The following KAZALD1 variants were observed in gnomAD, a reference collection of about 807,000 sequenced individuals.
KAZALD1 encodes Kazal type serine peptidase inhibitor domain 1.
In KAZALD1, 31 loss-of-function variants were observed where a neutral mutation model predicts 27.7. That is an observed-to-expected ratio of 1.12 (90% confidence interval 0.84 to 1.51). The LOEUF is 1.51. KAZALD1 is among the 40% of genes most tolerant of loss of function. The pLI, the probability that KAZALD1 is intolerant of heterozygous loss-of-function variation, is 0.00. For missense variants in KAZALD1, 444 were observed against 408.9 expected, an observed-to-expected ratio of 1.09 and a Z score of -0.74; for synonymous variants, 179 against 182.0, an observed-to-expected ratio of 0.98 and a Z score of 0.13.
At chr10:101,064,235 CT>C (rs1428350644) in intron 2 of KAZALD1, 25 bp from the exon 3 acceptor site, 3 of 1,613,478 alleles carry the variant, frequency 1.9e-6, no homozygotes, top group Non-Finnish European at 2.5e-6. Context: ...CCATGCTATT[CT>C]CAGACCTCCC....
chr10:101,064,335 T>A lies in KAZALD1; in HGVS notation c.586T>A (p.Phe196Ile). The A allele has an allele frequency of 1.2e-6, 2 of 1,614,208 alleles. No individual in the cohort carries two copies. Among genetic ancestry groups the A allele is most frequent in the Non-Finnish European group, 1.7e-6 (2 of 1,180,026 alleles). The change falls in exon 3 of 5, where the codon TTT becomes ATT. Residue 196 changes from phenylalanine (F) to isoleucine (I), a missense_variant. Transcript: ENST00000370200. ...GGATGTGATCTTTGGCTGTGAAGTG[T>A]TTGCCTACCCCATGGCCTCCATCGA... ...GQDVIFGCEV[F>I]AYPMASIEWR...
rs1285195550 is a variant in KAZALD1, at chr10:101,065,006, C to G, written c.*86C>G. ...AAAGACCTGGAAAGGGGAGCAGGGT[C>G]CCTTCATCGACTGCTTTCATGCTGT... is the stretch of plus-strand genomic sequence containing the variant. On this transcript the variant is annotated 3_prime_UTR_variant, in exon 5 of 5. Transcript: ENST00000370200. 17 of 934,696 alleles carry G rather than the reference C, an allele frequency of 1.8e-5. No individual in the cohort carries two copies. Among genetic ancestry groups the G allele is most frequent in the Non-Finnish European group, 2.9e-5 (17 of 584,092 alleles). The allele number at this position is 934,696 out of a possible 1,614,324, so 57.9% of individuals were successfully genotyped here. A position where few individuals can be genotyped will look rare whatever the true frequency, so the allele number is the denominator to read the frequency against.
chr10:101,063,606 G>A (rs1939230604), intron 2 of KAZALD1, among the ~76,000 whole-genome samples: 1 of 152,242 alleles, frequency 6.6e-6, no homozygotes, highest in Non-Finnish European at 1.5e-5. Context: ...CCTGGGGACT[G>A]GGGTCCATTC....
rs752703458 is a variant in KAZALD1, at chr10:101,063,108, G to T, written c.511+5G>T. On this transcript the variant is annotated splice_donor_5th_base_variant and intron_variant, in intron 2 of 4. Transcript: ENST00000370200. The stretch of plus-strand genomic sequence containing the variant: ...ACCCGGGGCCCTGCGAATCGGGTAC[G>T]CATGGCCCGGGGCCCCCACCCCAGC... 1.6e-5 allele frequency: 24 copies of T among 1,532,846 alleles called. No individual in the cohort carries two copies. Among genetic ancestry groups the T allele is most frequent in the Non-Finnish European group, 2.0e-5 (23 of 1,142,820 alleles). The allele number at this position is 1,532,846 out of a possible 1,614,324, so 95.0% of individuals were successfully genotyped here. A position where few individuals can be genotyped will look rare whatever the true frequency, so the allele number is the denominator to read the frequency against.
chr10:101,066,071 G>T lies in KAZALD1; in HGVS notation c.*1151G>T, dbSNP rs540826763. 1.9e-3 allele frequency among the ~76,000 whole-genome samples: 285 copies of T among 152,314 alleles called. 1 individual carries two copies. The highest frequency in any genetic ancestry group is 3.4e-3 in the Middle Eastern group (1 of 294). The stretch of plus-strand genomic sequence containing the variant: ...TGTGACCTGTCCTCTCTGGCTTGGG[G>T]TCCCCAAATCTCTTTCCTCATTCTC... On this transcript the variant is annotated 3_prime_UTR_variant, in exon 5 of 5. Transcript: ENST00000370200.
Position 101,062,817 on chromosome 10 carries a change from G to C in KAZALD1, c.225G>C (p.Ala75=), listed in dbSNP as rs1262923288. ...RGCLAGRVRD[A]CGCCWECANL... is the part of the protein sequence containing the mutation. ...GCCTGGCGGGCAGGGTGCGCGACGC[G>C]TGCGGCTGCTGCTGGGAATGCGCCA... The change falls in exon 2 of 5, where the codon GCG becomes GCC. Residue 75 remains alanine (A), a synonymous_variant. Transcript: ENST00000370200. 5 of 1,585,382 alleles carry C rather than the reference G, an allele frequency of 3.2e-6. No homozygotes were observed. Among genetic ancestry groups the C allele is most frequent in the Non-Finnish European group, 4.3e-6 (5 of 1,172,174 alleles).
rs1939280123 is a variant in KAZALD1, at chr10:101,064,892, A to C, written c.887A>C (p.Glu296Ala). The change falls in exon 5 of 5, where the codon GAG (glutamate) becomes GCG (alanine). Residue 296 changes from glutamate (E) to alanine (A), a missense_variant. Transcript: ENST00000370200. ...AACCTGGTTCCTGAGGAGGAGGCTG[A>C]GAGTGAAGAGAATGACGATTACTAC... ...SLNLVPEEEAESEENDDYY is the reference protein window; with the variant it reads ...SLNLVPEEEAASEENDDYY 6.2e-7 allele frequency: 1 copy of C among 1,613,860 alleles called. No individual in the cohort carries two copies. The highest frequency in any genetic ancestry group is 1.1e-5 in the South Asian group (1 of 91,084).
rs1017164782 is a variant in KAZALD1, at chr10:101,066,481, A to C, written c.*1561A>C. ...AAGCGGGCGGCCCTAGGAGCCGCGCACAACAGCGCAAGCGGGCTGGATACC... is the reference window on the plus strand; with the variant it reads ...AAGCGGGCGGCCCTAGGAGCCGCGCCCAACAGCGCAAGCGGGCTGGATACC... On this transcript the variant is annotated 3_prime_UTR_variant, in exon 5 of 5. Coordinates refer to ENST00000370200, the MANE Select transcript of KAZALD1 (RefSeq NM_030929.5). 2.2e-6 allele frequency: 1 copy of C among 456,430 alleles called. No individual in the cohort carries two copies. The highest frequency in any genetic ancestry group is 1.5e-5 in the South Asian group (1 of 64,544). The allele number at this position is 456,430 out of a possible 1,614,324, so 28.3% of individuals were successfully genotyped here.
In KAZALD1 at chr10:101,062,927, C is replaced by T; in HGVS notation, c.335C>T (p.Thr112Ile). ...CGEQLECRLD[T>I]GGDLSRGEVP... ...GAGCAGCTTGAGTGCCGGCTGGACA[C>T]AGGCGGCGACCTGAGCCGCGGAGAG... Residue 112 changes from threonine (T) to isoleucine (I), a missense_variant, in exon 2 of 5, where the codon ACA (threonine) becomes ATA (isoleucine). Physicochemically the swap from Thr to Ile is moderately conservative, Grantham distance 89 (BLOSUM62 -1). Coordinates refer to ENST00000370200, the MANE Select transcript of KAZALD1 (RefSeq NM_030929.5). 2 of 1,602,672 alleles carry T rather than the reference C, an allele frequency of 1.2e-6. No homozygotes were observed. Among genetic ancestry groups the T allele is most frequent in the South Asian group, 2.2e-5 (2 of 90,962 alleles).
At chr10:101,062,262 C>T (rs1430492719) in intron 1 of KAZALD1, 147 bp downstream of exon 1, 2 of 356,614 alleles carry the variant, frequency 5.6e-6, no homozygotes, top group Admixed American at 4.9e-5. Context: ...GGGTGGTGCA[C>T]GGAAGTGGTG....
chr10:101,064,145 G>A, intron 2 of KAZALD1, 116 bp from the exon 3 acceptor site: 1 of 1,014,916 alleles, frequency 9.9e-7, no homozygotes, highest in Non-Finnish European at 1.5e-6. Context: ...ATTTACCTCA[G>A]CATATATTGT....
chr10:101,063,843 CT>C (rs928339698), intron 2 of KAZALD1, among the ~76,000 whole-genome samples: 24 of 152,348 alleles, frequency 1.6e-4, no homozygotes, highest in South Asian at 1.5e-3. Context: ...GCTTTTCCTC[CT>C]TTGGGAACTG....
downstream of KAZALD1, chr10:101,067,386 C>T (rs1335624056): frequency 6.7e-6 from 3 of 446,340 alleles, no homozygotes; most frequent in African/African-American, 6.0e-5. Context: ...CCCTGGAATG[C>T]GCTTTCTTCT....
At chr10:101,063,273 C>G (rs1590098703) in intron 2 of KAZALD1, among the ~76,000 whole-genome samples, 170 bp downstream of exon 2, 1 of 152,142 alleles carries the variant, frequency 6.6e-6, no homozygotes, top group Non-Finnish European at 1.5e-5. Flanking sequence ...AAAGCTGCCA[C>G]CTTAAGGTGG....
Position 101,066,605 on chromosome 10 carries a change from A to C in KAZALD1, c.*1685A>C. On this transcript the variant is annotated 3_prime_UTR_variant, in exon 5 of 5. Transcript: ENST00000370200. ...TGTGGCCAAAATCCGCCCGGCGCTGAAAGAGGGGACGTGGGTGTGAGTCCC... is the reference window on the plus strand; with the variant it reads ...TGTGGCCAAAATCCGCCCGGCGCTGCAAGAGGGGACGTGGGTGTGAGTCCC... 2.4e-6 allele frequency: 1 copy of C among 421,478 alleles called. No homozygotes were observed. Among genetic ancestry groups the C allele is most frequent in the African/African-American group, 2.0e-5 (1 of 49,424 alleles). 26.1% of individuals were successfully genotyped at this position (421,478 alleles called of 1,614,324 possible).
At position 101,064,168 on chromosome 10, in the gene KAZALD1, G is replaced by A. The variant is rs545658804; in HGVS notation, c.512-93G>A. The A allele has an allele frequency of 4.1e-4, 555 of 1,364,138 alleles. 7 individuals are homozygous for A. In the South Asian group the frequency reaches 6.7e-3, roughly 17 times the overall value. The allele number at this position is 1,364,138 out of a possible 1,614,324, so 84.5% of individuals were successfully genotyped here. On this transcript the variant is annotated intron_variant, in intron 2 of 4. Coordinates refer to ENST00000370200, the MANE Select transcript of KAZALD1 (RefSeq NM_030929.5). ...CAGCATATATTGTGTTCTGCCACAA[G>A]CATGTCCACAAAAATTTGTGTATCA... is the stretch of plus-strand genomic sequence containing the variant.
At chr10:101,067,383 A>C (rs1939351541), downstream of KAZALD1, 1 of 448,420 alleles carries the variant, frequency 2.2e-6, no homozygotes, top group Non-Finnish European at 4.5e-6. Context: ...AATCCCTGGA[A>C]TGCGCTTTCT....
In KAZALD1 at chr10:101,063,089, G is replaced by A. The variant is rs1273462754; in HGVS notation, c.497G>A (p.Gly166Glu). 6.4e-6 allele frequency: 10 copies of A among 1,555,470 alleles called. No individual in the cohort carries two copies. Among genetic ancestry groups the A allele is most frequent in the Non-Finnish European group, 8.7e-6 (10 of 1,153,240 alleles). Residue 166 changes from glycine to glutamate, a missense_variant, in exon 2 of 5, where the codon GGG becomes GAG. Physicochemically the swap from Gly to Glu is moderately conservative, Grantham distance 98. Transcript: ENST00000370200. ...PDANLTVAHP[G>E]PCESGPQIVS... ...GCCAACCTCACTGTGGCACACCCGG[G>A]GCCCTGCGAATCGGGTACGCATGGC...
At chr10:101,063,223 C>A in intron 2 of KAZALD1, 120 bp downstream of exon 2, 1 of 860,368 alleles carries the variant, frequency 1.2e-6, no homozygotes, top group Non-Finnish European at 1.7e-6. Flanking sequence ...ATAGAGGCCT[C>A]GAGTCCAGTA....
Sources: gnomAD v4.1 joint callset for allele counts (sites outside exome capture counted in the v4.1 genomes callset) on GRCh38, gnomAD v4.1.1 for gene constraint, MANE v1.5 for transcripts, NCBI Gene and HGNC (gene_info 2026-07-23, HGNC 2026-07-21) for gene names.